Variants in GAS2 observed in about 807,000 individuals in gnomAD.
GAS2 encodes the protein growth arrest-specific protein 2.
Under a neutral mutation model 37.5 loss-of-function variants are expected in GAS2, and 20 were observed. The observed-to-expected ratio is 0.53, with a 90% CI of 0.37 to 0.77. The LOEUF is 0.77. Among genes scored for constraint, GAS2 ranks in the 30% least tolerant of loss-of-function variants. The pLI is 0.00. For synonymous variants in GAS2, 144 were observed against 132.2 expected (o/e 1.09, Z -0.61); for missense variants, 336 against 373.4 (o/e 0.90, Z 0.82).
rs1226059816 is a variant in GAS2, at chr11:22,733,819, T to G, written c.410-3886T>G. 2.0e-5 allele frequency among the ~76,000 whole-genome samples: 3 copies of G among 151,774 alleles called. No homozygotes were observed. In the East Asian group the frequency reaches 5.8e-4, roughly 29 times the overall value. ...AAGAAGCCGCCAATGATAAAACCAT[T>G]TGTGTAATAATCACCATTGACTAGA... On this transcript the variant is annotated intron_variant, in intron 4 of 7. Coordinates refer to ENST00000454584, the MANE Select transcript of GAS2 (RefSeq NM_001143830.3).
chr11:22,648,883 C>G (rs1382698430), intron 1 of GAS2, among the ~76,000 whole-genome samples: 1 of 152,044 alleles, frequency 6.6e-6, no homozygotes, highest in African/African-American at 2.4e-5. Flanking sequence ...TTGACTTCAT[C>G]TTTTCCTAAT....
chr11:22,699,181 C>T (rs1246276964), intron 3 of GAS2, among the ~76,000 whole-genome samples: 1 of 152,104 alleles, frequency 6.6e-6, no homozygotes, highest in Non-Finnish European at 1.5e-5. Flanking sequence ...TAACTCCATA[C>T]TCTGGTACCA....
chr11:22,675,923 G>A (rs1849406520), intron 2 of GAS2, among the ~76,000 whole-genome samples: 1 of 152,160 alleles, frequency 6.6e-6, no homozygotes, highest in Non-Finnish European at 1.5e-5. Flanking sequence ...TGAAATTTTA[G>A]CAAGGTTTGG....
intron 3 of GAS2, among the ~76,000 whole-genome samples, chr11:22,705,340 T>C (rs1851060377): frequency 6.6e-6 from 1 of 151,848 alleles, no homozygotes. Context: ...GATTTGCTTC[T>C]CACTCTCTTC....
intron 7 of GAS2, among the ~76,000 whole-genome samples, chr11:22,798,027 A>G (rs911887959): frequency 6.6e-6 from 1 of 152,082 alleles, no homozygotes; most frequent in African/African-American, 2.4e-5. Context: ...TTGAGTGGTA[A>G]TGAGTATTAT....
intron 1 of GAS2, among the ~76,000 whole-genome samples, chr11:22,635,928 A>G (rs1015756843): frequency 2.0e-5 from 3 of 152,068 alleles, no homozygotes; most frequent in African/African-American, 7.2e-5. Context: ...ATGGGAGTAT[A>G]TATCATGGAG....
intron 7 of GAS2, among the ~76,000 whole-genome samples, chr11:22,784,200 G>T (rs1371532941): frequency 1.3e-5 from 2 of 152,188 alleles, no homozygotes; most frequent in Admixed American, 6.6e-5. Context: ...GATAGGAATA[G>T]TGTTGAATCT....
At chr11:22,800,073 G>A (rs562858271) in intron 7 of GAS2, among the ~76,000 whole-genome samples, 3 of 152,150 alleles carry the variant, frequency 2.0e-5, no homozygotes, top group African/African-American at 7.2e-5. Context: ...TCAGAAGGTA[G>A]GACTACATGC....
At chr11:22,764,592 CA>C (rs60860462) in intron 7 of GAS2, among the ~76,000 whole-genome samples, 129,759 of 144,414 alleles carry the variant, frequency 0.9, 59,963 homozygotes, top group East Asian at 1. Context: ...AACAAAAAAG[CA>C]AGAAAGACAA....
chr11:22,747,908 C>T (rs560726833), intron 5 of GAS2, among the ~76,000 whole-genome samples: 1 of 152,220 alleles, frequency 6.6e-6, no homozygotes, highest in East Asian at 1.9e-4. Context: ...AGGGAAATCG[C>T]TTTCCCCTCG....
rs1443410989 is a variant in GAS2 at position 22,744,969 on chromosome 11, TA to T, written c.474-4149del. 3.3e-5 allele frequency among the ~76,000 whole-genome samples: 5 copies of T among 151,834 alleles called. No individual in the cohort carries two copies. In the East Asian group the frequency reaches 9.7e-4, roughly 29 times the overall value. Reference sequence around the variant, plus strand: ...AACCACAAAACACTGCTGAAAGAAATAATAGATGACACAAACAAAGGAAGAA... The same window carrying T: ...AACCACAAAACACTGCTGAAAGAAATATAGATGACACAAACAAAGGAAGAA... On this transcript the variant is annotated intron_variant, in intron 5 of 7. Coordinates refer to ENST00000454584, the MANE Select transcript of GAS2 (RefSeq NM_001143830.3).
chr11:22,688,700 G>A (rs745756791), intron 3 of GAS2, among the ~76,000 whole-genome samples: 1 of 152,072 alleles, frequency 6.6e-6, no homozygotes, highest in Non-Finnish European at 1.5e-5. Context: ...GTGAACCTGA[G>A]CAAATTTTTA....
chr11:22,784,241 A>C (rs1315182959), intron 7 of GAS2, among the ~76,000 whole-genome samples: 3 of 152,204 alleles, frequency 2.0e-5, no homozygotes, highest in African/African-American at 7.2e-5. Context: ...AATGAAGTCA[A>C]GACTCAACTG....
At chr11:22,750,888 C>G (rs541930059) in intron 6 of GAS2, among the ~76,000 whole-genome samples, 1 of 151,792 alleles carries the variant, frequency 6.6e-6, no homozygotes, top group Non-Finnish European at 1.5e-5. Context: ...GGGTTCCAGA[C>G]CACTAAAGAG....
rs199862127 is a variant in GAS2 at position 22,631,736 on chromosome 11, A to AT, written c.-21+5933dup. On this transcript the variant is annotated intron_variant, in intron 1 of 5. Coordinates refer to the GAS2 transcript ENST00000528582. ...ATTCAGTTTGCTAGTATTTTGTTGAATTTTTTTTTTATCTGTTCATCAGAG... is the reference window on the plus strand; with the variant it reads ...ATTCAGTTTGCTAGTATTTTGTTGAATTTTTTTTTTTATCTGTTCATCAGAG... Among the ~76,000 whole-genome samples the AT allele has an allele frequency of 4.0e-3, 600 of 148,986 alleles. 14 individuals carry two copies. In the East Asian group the frequency reaches 0.078, roughly 19 times the overall value.
intron 1 of GAS2, among the ~76,000 whole-genome samples, chr11:22,673,754 A>AAAAC (rs1190958189): frequency 6.6e-6 from 1 of 152,170 alleles, no homozygotes; most frequent in African/African-American, 2.4e-5. Flanking sequence ...TAAAAAATAC[A>AAAAC]AAACAAACAA....
rs563855126 is a variant in GAS2, at chr11:22,644,577, T to G, written c.-21+18764T>G. On this transcript the variant is annotated intron_variant, in intron 1 of 5. Coordinates refer to the GAS2 transcript ENST00000528582. The stretch of plus-strand genomic sequence containing the variant: ...CTATAATTTCTGAATTTGCATATAT[T>G]ATTTAAACAGATACGTTGAGTGAAA... Among the ~76,000 whole-genome samples, 8 of 152,346 alleles carry G rather than the reference T, an allele frequency of 5.3e-5. No homozygotes were observed. The East Asian group carries it at 1.5e-3, about 29-fold the overall frequency.
In GAS2 at chr11:22,721,268, A is replaced by G. The variant is rs1305036819; in HGVS notation, c.268-5024A>G. 2.0e-5 allele frequency among the ~76,000 whole-genome samples: 3 copies of G among 152,018 alleles called. No individual in the cohort carries two copies. The East Asian group carries it at 5.8e-4, about 29-fold the overall frequency. On this transcript the variant is annotated intron_variant, in intron 3 of 7. Transcript: ENST00000454584. ...CAGTACCTCCTGCGTGTAAAGCACC[A>G]TATTTGGCACTGTGGCAGTATAATG... is the stretch of plus-strand genomic sequence containing the variant.
intron 3 of GAS2, among the ~76,000 whole-genome samples, chr11:22,715,820 G>A (rs531292795): frequency 6.6e-6 from 1 of 152,044 alleles, no homozygotes; most frequent in African/African-American, 2.4e-5. Flanking sequence ...AAGATAAAGA[G>A]CTAATCTTCC....
Sources: gnomAD v4.1 joint callset for allele counts (sites outside exome capture counted in the v4.1 genomes callset) on GRCh38, gnomAD v4.1.1 for gene constraint, MANE v1.5 for transcripts, NCBI Gene and HGNC (gene_info 2026-07-23, HGNC 2026-07-21) for gene names.